Variants in FBXL17 observed in about 807,000 individuals in gnomAD.
The protein encoded by FBXL17 is F-box and leucine rich repeat protein 17.
A neutral mutation model predicts 66.2 loss-of-function variants in FBXL17; 22 were observed. The ratio of observed to expected loss-of-function variants is 0.33; its 90% CI spans 0.24 to 0.47. FBXL17 has a LOEUF of 0.47. FBXL17 is among the 20% of genes least tolerant of loss of function. The pLI, the probability that FBXL17 is intolerant of heterozygous loss-of-function variation, is 1.00. For synonymous variants in FBXL17, 474 were observed against 400.5 expected, an observed-to-expected ratio of 1.18 and a Z score of -2.19; for missense variants, 878 against 948.2, an observed-to-expected ratio of 0.93 and a Z score of 0.97.
At chr5:108,249,988 A>G (rs1282931744) in intron 4 of FBXL17, among the ~76,000 whole-genome samples, 1 of 152,136 alleles carries the variant, frequency 6.6e-6, no homozygotes, top group African/African-American at 2.4e-5. Context: ...TTGGCATGCA[A>G]GAAAAAAGTG....
At chr5:107,934,157 A>C (rs938225500) in intron 7 of FBXL17, among the ~76,000 whole-genome samples, 1 of 152,154 alleles carries the variant, frequency 6.6e-6, no homozygotes, top group African/African-American at 2.4e-5. Flanking sequence ...ACTTTCCATG[A>C]CAAATCTAGG....
chr5:108,015,997 C>T (rs1004883969), intron 7 of FBXL17, among the ~76,000 whole-genome samples: 2 of 152,148 alleles, frequency 1.3e-5, no homozygotes, highest in Non-Finnish European at 2.9e-5. Flanking sequence ...AGAAACTAAA[C>T]ATCTGTATGT....
intron 7 of FBXL17, among the ~76,000 whole-genome samples, chr5:107,922,424 T>A (rs1053727547): frequency 6.6e-6 from 1 of 152,174 alleles, no homozygotes; most frequent in Non-Finnish European, 1.5e-5. Flanking sequence ...CTTAACTGGC[T>A]CAATCCCAGT....
intron 5 of FBXL17, among the ~76,000 whole-genome samples, chr5:108,223,105 A>G (rs1561473587): frequency 6.6e-6 from 1 of 152,188 alleles, no homozygotes; most frequent in Non-Finnish European, 1.5e-5. Context: ...GCTAAGTGAT[A>G]GACCCAATAA....
intron 6 of FBXL17, among the ~76,000 whole-genome samples, chr5:108,157,571 C>A (rs935976876): frequency 1.3e-5 from 2 of 149,990 alleles, no homozygotes; most frequent in African/African-American, 4.9e-5. Context: ...GTGAAATGAA[C>A]TTTGATTTTT....
rs144435216 is a variant in FBXL17 at position 107,890,241 on chromosome 5, C to T, written c.1823-9062G>A. The stretch of plus-strand genomic sequence containing the variant: ...TTCTGGGTTTAAATATGTTAGTTTG[C>T]AGAGATGGGAAAGTACATTAGTGTC... On this transcript the variant is annotated intron_variant, in intron 7 of 8. Coordinates refer to ENST00000542267, the MANE Select transcript of FBXL17 (RefSeq NM_001163315.3). 2.9e-3 allele frequency among the ~76,000 whole-genome samples: 445 copies of T among 152,078 alleles called. 1 individual carries two copies. Among genetic ancestry groups the T allele is most frequent in the Non-Finnish European group, 5.4e-3 (368 of 68,006 alleles).
At chr5:108,284,208 C>CA (rs1245723053) in intron 4 of FBXL17, among the ~76,000 whole-genome samples, 1 of 151,546 alleles carries the variant, frequency 6.6e-6, no homozygotes, top group African/African-American at 2.4e-5. Context: ...GAAAAGAAAT[C>CA]AAAAAAGATA....
At position 108,009,282 on chromosome 5, in the gene FBXL17, T is replaced by TAG. The variant is rs1216444049; in HGVS notation, c.1822+11642_1822+11643insCT. On this transcript the variant is annotated intron_variant, in intron 7 of 8. Coordinates refer to ENST00000542267, the MANE Select transcript of FBXL17 (RefSeq NM_001163315.3). Reference sequence around the variant, plus strand: ...TGTTTTATATATATATATATATATATATATATATATATATATATACATATA... The same window carrying TAG: ...TGTTTTATATATATATATATATATATAGATATATATATATATATATACATATA... Among the ~76,000 whole-genome samples the TAG allele has an allele frequency of 1.1e-4, 6 of 54,748 alleles. 1 individual carries two copies. Among genetic ancestry groups the TAG allele is most frequent in the African/African-American group, 7.7e-4 (6 of 7,796 alleles). The allele number at this position is 54,748 out of a possible 152,430, so 35.9% of individuals were successfully genotyped here.
intron 4 of FBXL17, chr5:108,298,209 G>A (rs1758427941): frequency 2.0e-6 from 2 of 979,780 alleles, no homozygotes; most frequent in Admixed American, 1.2e-4. Flanking sequence ...GATATACAAT[G>A]CCCCAACAAT....
In FBXL17 at chr5:108,171,807, A is replaced by G. The variant is rs116142453; in HGVS notation, c.1745+14310T>C. Among the ~76,000 whole-genome samples the G allele has an allele frequency of 3.1e-3, 367 of 118,412 alleles. 2 individuals are homozygous for G. Among genetic ancestry groups the G allele is most frequent in the African/African-American group, 9.2e-3 (325 of 35,346 alleles). 77.7% of individuals were successfully genotyped at this position (118,412 alleles called of 152,430 possible). A position where few individuals can be genotyped will look rare whatever the true frequency, so the allele number is the denominator to read the frequency against. ...CACCCAAATCTCATCTTGAATTCCC[A>G]AGTGTTGTGGGAGGACTTGGTGGGA... On this transcript the variant is annotated intron_variant, in intron 6 of 8. Transcript: ENST00000542267.
intron 6 of FBXL17, among the ~76,000 whole-genome samples, chr5:108,154,638 C>CATATATATGTGTATAT (rs1561437185): frequency 3.1e-5 from 3 of 97,576 alleles, no homozygotes; most frequent in Non-Finnish European, 6.3e-5. Flanking sequence ...CACACACACA[C>CATATATATGTGTATAT]ACACACACAC....
intron 6 of FBXL17, among the ~76,000 whole-genome samples, chr5:108,088,473 G>A (rs1000068590): frequency 2.0e-5 from 3 of 151,762 alleles, no homozygotes; most frequent in East Asian, 1.9e-4. Flanking sequence ...AGGCCAAGTC[G>A]GGGGGAACAT....
intron 3 of FBXL17, among the ~76,000 whole-genome samples, chr5:108,362,905 G>A (rs1430449325): frequency 6.6e-6 from 1 of 151,950 alleles, no homozygotes; most frequent in Non-Finnish European, 1.5e-5. Context: ...AATTTTTACT[G>A]ACAGAAGAGG....
intron 6 of FBXL17, among the ~76,000 whole-genome samples, chr5:108,068,027 C>T (rs1748181651): frequency 1.3e-5 from 2 of 152,180 alleles, no homozygotes; most frequent in African/African-American, 4.8e-5. Context: ...TGACAGTTAA[C>T]AGCTGCTTCA....
intron 4 of FBXL17, among the ~76,000 whole-genome samples, chr5:108,342,546 G>A (rs913570596): frequency 2.6e-5 from 4 of 152,138 alleles, no homozygotes; most frequent in African/African-American, 9.7e-5. Context: ...ATGTCTTTTG[G>A]AAGTTGCTAC....
Position 108,381,034 on chromosome 5 carries a change from AGCCCCCGCCGCCGCAGCG to A in FBXL17, c.640_657del (p.Arg214_Gly219del), listed in dbSNP as rs1353918406. 5 of 1,188,504 alleles carry A rather than the reference AGCCCCCGCCGCCGCAGCG, an allele frequency of 4.2e-6. No homozygotes were observed. Among genetic ancestry groups the A allele is most frequent in the Non-Finnish European group, 5.2e-6 (5 of 960,464 alleles). The allele number at this position is 1,188,504 out of a possible 1,614,324, so 73.6% of individuals were successfully genotyped here. A position where few individuals can be genotyped will look rare whatever the true frequency, so the allele number is the denominator to read the frequency against. Reference sequence around the variant, plus strand: ...CCACCGCCGCCGCCGCCGCCGCCGCAGCCCCCGCCGCCGCAGCGGGGCTGCTTGCAGGGGGTGCAGGCG... The same window carrying A: ...CCACCGCCGCCGCCGCCGCCGCCGCAGGGCTGCTTGCAGGGGGTGCAGGCG... On this transcript the variant is annotated inframe_deletion, in exon 1 of 9. Transcript: ENST00000542267.
intron 4 of FBXL17, among the ~76,000 whole-genome samples, chr5:108,250,639 C>T (rs1479519601): frequency 6.6e-6 from 1 of 151,938 alleles, no homozygotes; most frequent in Non-Finnish European, 1.5e-5. Flanking sequence ...AAAATAAACA[C>T]AGTAAAACAT....
chr5:108,163,630 C>T lies in FBXL17; in HGVS notation c.1745+22487G>A, dbSNP rs140110695. Among the ~76,000 whole-genome samples the T allele has an allele frequency of 1.7e-3, 260 of 152,024 alleles. 1 individual carries two copies. The highest frequency in any genetic ancestry group is 5.8e-3 in the African/African-American group (241 of 41,486). On this transcript the variant is annotated intron_variant, in intron 6 of 8. Coordinates refer to ENST00000542267, the MANE Select transcript of FBXL17 (RefSeq NM_001163315.3). The stretch of plus-strand genomic sequence containing the variant: ...GGTAGGCAGGATGGTCTCGATCTCC[C>T]GACCTCATGATCCGCCCATCTAGGC...
Position 108,094,361 on chromosome 5 carries a change from T to A in FBXL17, c.1746-73360A>T, listed in dbSNP as rs747362876. Among the ~76,000 whole-genome samples the A allele has an allele frequency of 7.7e-4, 117 of 152,162 alleles. 2 individuals carry two copies. Among genetic ancestry groups the A allele is most frequent in the Non-Finnish European group, 1.3e-4 (9 of 67,996 alleles). On this transcript the variant is annotated intron_variant, in intron 6 of 8. Coordinates refer to ENST00000542267, the MANE Select transcript of FBXL17 (RefSeq NM_001163315.3). The stretch of plus-strand genomic sequence containing the variant: ...CCAGAAACTTGTTCAAACTCTGGTA[T>A]ACAAAGGAGGGGTGACTATTAGGTG...
Sources: gnomAD v4.1 joint callset for allele counts (sites outside exome capture counted in the v4.1 genomes callset) on GRCh38, gnomAD v4.1.1 for gene constraint, MANE v1.5 for transcripts, NCBI Gene and HGNC (gene_info 2026-07-23, HGNC 2026-07-21) for gene names.